Variants in SLC5A4 observed in about 807,000 individuals in gnomAD.
The protein encoded by SLC5A4 is probable glucose sensor protein SLC5A4.
SLC5A4 carries 55 observed loss-of-function variants against 70.3 expected under a neutral mutation model. The ratio of observed to expected loss-of-function variants is 0.78; its 90% CI spans 0.63 to 0.98. SLC5A4 has a LOEUF of 0.98. Ranked by LOEUF, SLC5A4 falls within the 50% of genes least tolerant of loss-of-function variation. The probability of loss-of-function intolerance (pLI) is 0.00; values close to 1 mark genes in which losing one functional copy is unlikely to be tolerated. For synonymous variants in SLC5A4, 268 were observed against 305.7 expected (o/e 0.88, Z 1.29); for missense variants, 735 against 839.2 (o/e 0.88, Z 1.53).
the SLC5A4 span, among the ~76,000 whole-genome samples, chr22:32,335,972 C>A: frequency 6.6e-6 from 1 of 152,208 alleles, no homozygotes; most frequent in South Asian, 2.1e-4. Flanking sequence ...GCAGTTCCAA[C>A]AAGCATCTAT....
the SLC5A4 span, among the ~76,000 whole-genome samples, chr22:32,305,563 A>G: frequency 6.7e-6 from 1 of 148,514 alleles, no homozygotes; most frequent in East Asian, 2.0e-4. Context: ...TCTGGGCCCC[A>G]GGTGAGGTGG....
the SLC5A4 span, among the ~76,000 whole-genome samples, chr22:32,260,830 T>A: frequency 4.1e-4 from 63 of 152,314 alleles, no homozygotes; most frequent in Non-Finnish European, 6.9e-4. Flanking sequence ...CCCAACACTT[T>A]GGGAGGCCAA....
intron 5 of SLC5A4, among the ~76,000 whole-genome samples, chr22:32,239,893 A>AAC: frequency 6.7e-6 from 1 of 150,316 alleles, no homozygotes; most frequent in Non-Finnish European, 1.5e-5. Context: ...GCATGGTGGC[A>AAC]GCCGTGTGTA....
chr22:32,283,172 C>T, the SLC5A4 span, among the ~76,000 whole-genome samples: 1 of 152,242 alleles, frequency 6.6e-6, no homozygotes, highest in South Asian at 2.1e-4. Flanking sequence ...CTCCTGTTCA[C>T]TGGGCTCTCA....
chr22:32,310,339 C>A, the SLC5A4 span, among the ~76,000 whole-genome samples: 1 of 152,194 alleles, frequency 6.6e-6, no homozygotes, highest in African/African-American at 2.4e-5. Context: ...AGGGAACAGA[C>A]CTTGCCTGAG....
At chr22:32,345,670 T>C in the SLC5A4 span, among the ~76,000 whole-genome samples, 1 of 152,008 alleles carries the variant, frequency 6.6e-6, no homozygotes, top group Non-Finnish European at 1.5e-5. Context: ...TGCATCAAAC[T>C]CTCTATTGCA....
chr22:32,300,509 T>C, the SLC5A4 span, among the ~76,000 whole-genome samples: 1 of 151,960 alleles, frequency 6.6e-6, no homozygotes, highest in Non-Finnish European at 1.5e-5. Context: ...TGCCTCGCCC[T>C]GCTTCGGCTC....
Position 32,255,057 on chromosome 22 carries a change from A to G in SLC5A4, c.135+138T>C, listed in dbSNP as rs1355811648. ...CATTAGTTCATTGTAAGCGTTATTT[A>G]TGCAACACACAAGAAAATGATTCTG... On this transcript the variant is annotated intron_variant, in intron 1 of 14. Coordinates refer to ENST00000266086, the MANE Select transcript of SLC5A4 (RefSeq NM_014227.3). 6.0e-6 allele frequency: 5 copies of G among 833,016 alleles called. No individual in the cohort carries two copies. The East Asian group carries it at 1.2e-4, about 21-fold the overall frequency. The allele number at this position is 833,016 out of a possible 1,614,324, so 51.6% of individuals were successfully genotyped here.
the SLC5A4 span, among the ~76,000 whole-genome samples, chr22:32,297,904 G>A: frequency 1.3e-4 from 13 of 100,346 alleles, no homozygotes; most frequent in Admixed American, 2.1e-4. Context: ...CCTTCATTTC[G>A]TTATGTACCC....
At chr22:32,283,002 C>T in the SLC5A4 span, among the ~76,000 whole-genome samples, 1 of 151,454 alleles carries the variant, frequency 6.6e-6, no homozygotes. Context: ...TTATGCTGCT[C>T]CTCTGCTCAA....
the SLC5A4 span, among the ~76,000 whole-genome samples, chr22:32,328,222 A>G: frequency 1.3e-5 from 2 of 151,828 alleles, no homozygotes; most frequent in Non-Finnish European, 2.9e-5. Flanking sequence ...ACAGCCCCCT[A>G]CTCTGATTCT....
the SLC5A4 span, among the ~76,000 whole-genome samples, chr22:32,339,846 C>T: frequency 6.6e-6 from 1 of 152,234 alleles, no homozygotes; most frequent in Non-Finnish European, 1.5e-5. Context: ...CTCCTGGACC[C>T]AGACCAGGAC....
the SLC5A4 span, among the ~76,000 whole-genome samples, chr22:32,351,728 TGGGGGCGGTGG>T: frequency 9.4e-5 from 1 of 10,608 alleles, no homozygotes; most frequent in Non-Finnish European, 1.7e-4. Context: ...GGGGGGAGGG[TGGGGGCGGTGG>T]GGGGAGGGCG....
the SLC5A4 span, among the ~76,000 whole-genome samples, chr22:32,303,030 AT>A: frequency 2.0e-5 from 3 of 148,182 alleles, no homozygotes; most frequent in South Asian, 2.1e-4. Context: ...TTGTTTACTT[AT>A]TTTTTTTCTT....
chr22:32,353,479 C>T, the SLC5A4 span, among the ~76,000 whole-genome samples: 1 of 152,066 alleles, frequency 6.6e-6, no homozygotes, highest in Non-Finnish European at 1.5e-5. Flanking sequence ...GTGCATCCGC[C>T]GCGCTCCAGC....
the SLC5A4 span, among the ~76,000 whole-genome samples, chr22:32,304,140 CTTTT>C: frequency 1.3e-5 from 2 of 151,654 alleles, no homozygotes; most frequent in Admixed American, 6.6e-5. Flanking sequence ...CTTTTCCTTT[CTTTT>C]TTTTGAGAGT....
At chr22:32,305,697 C>A in the SLC5A4 span, among the ~76,000 whole-genome samples, 1 of 130,016 alleles carries the variant, frequency 7.7e-6, no homozygotes, top group Non-Finnish European at 1.6e-5. Flanking sequence ...GTGTGAGGGA[C>A]GGTGGCTTTT....
At chr22:32,303,456 A>G in the SLC5A4 span, among the ~76,000 whole-genome samples, 32 of 152,350 alleles carry the variant, frequency 2.1e-4, no homozygotes, top group South Asian at 4.4e-3. Context: ...TAGTGAAACA[A>G]TAGGTCAGAG....
At chr22:32,298,106 G>A in the SLC5A4 span, among the ~76,000 whole-genome samples, 1 of 131,542 alleles carries the variant, frequency 7.6e-6, no homozygotes, top group African/African-American at 2.9e-5. Flanking sequence ...GGTGTGGTGT[G>A]GTGCTGAAAA....
Sources: gnomAD v4.1 joint callset for allele counts (sites outside exome capture counted in the v4.1 genomes callset) on GRCh38, gnomAD v4.1.1 for gene constraint, MANE v1.5 for transcripts, NCBI Gene and HGNC (gene_info 2026-07-23, HGNC 2026-07-21) for gene names.